The following ROBO1 variants were observed in gnomAD, a reference collection of about 807,000 sequenced individuals.
The protein encoded by ROBO1 is roundabout homolog 1.
A neutral mutation model predicts 195.9 loss-of-function variants in ROBO1; 149 were observed. That is an observed-to-expected ratio of 0.76 (90% CI 0.67 to 0.87). The LOEUF (loss-of-function observed/expected upper bound fraction) is 0.87. Ranked by LOEUF, ROBO1 falls within the 40% of genes least tolerant of loss-of-function variation. ROBO1 has a pLI of 0.00. For missense variants in ROBO1, 1,933 were observed against 2,068.3 expected (o/e 0.93, Z 1.27); for synonymous variants, 816 against 733.2 (o/e 1.11, Z -1.82).
chr3:79,464,600 T>A (rs1937848140), intron 2 of ROBO1, among the ~76,000 whole-genome samples: 2 of 152,284 alleles, frequency 1.3e-5, no homozygotes, highest in South Asian at 4.1e-4. Context: ...ATTTAAAAAA[T>A]TTATTTGCAT....
chr3:79,753,244 G>T (rs73849830), intron 1 of ROBO1, among the ~76,000 whole-genome samples: 1,878 of 151,766 alleles, frequency 0.012, 40 homozygotes, highest in African/African-American at 0.044. Context: ...CACATTCCCA[G>T]CAATTCTGAT....
At position 78,971,643 on chromosome 3, in the gene ROBO1, C is replaced by T. The variant is rs111326252; in HGVS notation, c.173-32716G>A. 9.1e-4 allele frequency among the ~76,000 whole-genome samples: 138 copies of T among 152,272 alleles called. 1 individual carries two copies. Among genetic ancestry groups the T allele is most frequent in the African/African-American group, 2.9e-3 (119 of 41,556 alleles). On this transcript the variant is annotated intron_variant, in intron 3 of 30. Coordinates refer to ENST00000464233, the MANE Select transcript of ROBO1 (RefSeq NM_002941.4). ...ACCTCTAACCTGCCTAACACAAAAC[C>T]AAAACGTTTAGAGATCTAATGGACA... is the stretch of plus-strand genomic sequence containing the variant.
intron 3 of ROBO1, among the ~76,000 whole-genome samples, chr3:79,028,742 A>G (rs1469405876): frequency 6.6e-6 from 1 of 152,024 alleles, no homozygotes. Context: ...AAACCGTGAG[A>G]CAAATATTAA....
chr3:79,245,580 A>T (rs930144884), intron 2 of ROBO1, among the ~76,000 whole-genome samples: 4 of 151,984 alleles, frequency 2.6e-5, no homozygotes, highest in African/African-American at 7.2e-5. Flanking sequence ...ATTACACAGA[A>T]AAACGCAGTT....
intron 3 of ROBO1, among the ~76,000 whole-genome samples, chr3:79,048,880 AC>A (rs1274908048): frequency 6.6e-6 from 1 of 152,040 alleles, no homozygotes; most frequent in African/African-American, 2.4e-5. Flanking sequence ...CCACACCAAA[AC>A]CCCATCTGTA....
chr3:78,773,894 C>T lies in ROBO1; in HGVS notation c.500-26994G>A, dbSNP rs1343823112. 2.0e-5 allele frequency among the ~76,000 whole-genome samples: 3 copies of T among 152,182 alleles called. No homozygotes were observed. The East Asian group carries it at 5.8e-4, about 29-fold the overall frequency. On this transcript the variant is annotated intron_variant, in intron 4 of 30. Coordinates refer to ENST00000464233, the MANE Select transcript of ROBO1 (RefSeq NM_002941.4). ...ACTCATTTGCATTCAAGTAGCTCTACTAAGTGCCAATGTCTTGTTTATCTC... is the reference window on the plus strand; with the variant it reads ...ACTCATTTGCATTCAAGTAGCTCTATTAAGTGCCAATGTCTTGTTTATCTC...
chr3:79,270,220 T>TCA (rs1553710493), intron 2 of ROBO1, among the ~76,000 whole-genome samples: 4 of 140,280 alleles, frequency 2.9e-5, no homozygotes, highest in Admixed American at 7.1e-5. Flanking sequence ...TCTCTCTCTC[T>TCA]CACATACACA....
At chr3:78,654,925 T>C (rs972115204) in intron 18 of ROBO1, among the ~76,000 whole-genome samples, 4 of 152,144 alleles carry the variant, frequency 2.6e-5, no homozygotes, top group African/African-American at 9.7e-5. Flanking sequence ...TAAATTAATA[T>C]TGAAATTTAA....
intron 2 of ROBO1, among the ~76,000 whole-genome samples, chr3:79,135,219 G>T (rs893656670): frequency 6.6e-6 from 1 of 152,086 alleles, no homozygotes; most frequent in Non-Finnish European, 1.5e-5. Flanking sequence ...GTGAAAAATT[G>T]TTGGAAGATA....
chr3:78,686,064 C>T (rs896784283), intron 9 of ROBO1, 147 bp from the exon 10 acceptor site: 7 of 622,222 alleles, frequency 1.1e-5, no homozygotes, highest in Admixed American at 3.2e-5. Flanking sequence ...TATACACACA[C>T]AAAAATGAGC....
intron 8 of ROBO1, among the ~76,000 whole-genome samples, chr3:78,698,646 C>A (rs2081353447): frequency 6.6e-6 from 1 of 152,052 alleles, no homozygotes; most frequent in Non-Finnish European, 1.5e-5. Context: ...CCTACAAAGC[C>A]CAAGACAACG....
intron 2 of ROBO1, among the ~76,000 whole-genome samples, chr3:79,412,180 A>G (rs1040453269): frequency 8.5e-5 from 13 of 152,166 alleles, no homozygotes; most frequent in Non-Finnish European, 1.5e-4. Flanking sequence ...AAGCAGGTAT[A>G]TTCTCAACAA....
intron 2 of ROBO1, among the ~76,000 whole-genome samples, chr3:79,467,748 G>A (rs559360651): frequency 1.3e-5 from 2 of 152,226 alleles, no homozygotes; most frequent in Admixed American, 1.3e-4. Context: ...GGTAGCAAGT[G>A]GGCACTGAGC....
rs79221609 is a variant in ROBO1 at position 79,665,873 on chromosome 3, G to A, written c.-50-75912C>T. Among the ~76,000 whole-genome samples the A allele has an allele frequency of 5.2e-3, 789 of 151,992 alleles. 4 individuals are homozygous for A. The highest frequency in any genetic ancestry group is 0.016 in the African/African-American group (681 of 41,504). The stretch of plus-strand genomic sequence containing the variant: ...GACCTTAATTTCACAACTCAGAGGA[G>A]TAGGTAGGCTGAAGGAATCATCACT... On this transcript the variant is annotated intron_variant, in intron 1 of 30. Coordinates refer to ENST00000464233, the MANE Select transcript of ROBO1 (RefSeq NM_002941.4).
At chr3:78,846,636 G>A (rs2033688331) in intron 4 of ROBO1, among the ~76,000 whole-genome samples, 1 of 152,020 alleles carries the variant, frequency 6.6e-6, no homozygotes, top group Non-Finnish European at 1.5e-5. Context: ...TCATTTTGAG[G>A]ATACCAACAC....
chr3:79,371,401 G>T (rs577777875), intron 2 of ROBO1, among the ~76,000 whole-genome samples: 9 of 152,212 alleles, frequency 5.9e-5, no homozygotes, highest in South Asian at 2.1e-4. Flanking sequence ...GGACCCTTTA[G>T]AAAATTTAGA....
intron 18 of ROBO1, among the ~76,000 whole-genome samples, chr3:78,654,743 C>T (rs892908670): frequency 4.6e-5 from 7 of 152,098 alleles, no homozygotes; most frequent in African/African-American, 1.7e-4. Context: ...TTCAAGGAAA[C>T]CAATTTGGCC....
chr3:79,766,638 G>A (rs918303201), intron 1 of ROBO1, among the ~76,000 whole-genome samples: 5 of 152,022 alleles, frequency 3.3e-5, no homozygotes, highest in African/African-American at 1.2e-4. Flanking sequence ...TTTCCGCATC[G>A]GCCGCCCGCA....
At chr3:79,559,244 T>C (rs1457614509) in intron 2 of ROBO1, among the ~76,000 whole-genome samples, 1 of 152,206 alleles carries the variant, frequency 6.6e-6, no homozygotes, top group African/African-American at 2.4e-5. Flanking sequence ...AGTAGAGCTC[T>C]CTGACCCTTA....
Sources: gnomAD v4.1 joint callset for allele counts (sites outside exome capture counted in the v4.1 genomes callset) on GRCh38, gnomAD v4.1.1 for gene constraint, MANE v1.5 for transcripts, NCBI Gene and HGNC (gene_info 2026-07-23, HGNC 2026-07-21) for gene names.